Variants in ICMT observed in about 807,000 individuals in gnomAD.
The protein encoded by ICMT is isoprenylcysteine carboxyl methyltransferase.
ICMT carries 10 observed loss-of-function variants against 32.2 expected under a neutral mutation model. The ratio of observed to expected loss-of-function variants is 0.31; its 90% CI spans 0.19 to 0.53. The LOEUF (loss-of-function observed/expected upper bound fraction) is 0.53. Ranked by LOEUF, ICMT falls within the 20% of genes least tolerant of loss-of-function variation. The pLI is 0.96. For synonymous variants in ICMT, 183 were observed against 158.2 expected (o/e 1.16, Z -1.18); for missense variants, 265 against 356.9 (o/e 0.74, Z 2.07).
chr1:6,233,736 A>G, intron 2 of ICMT, 93 bp from the exon 3 acceptor site: 13 of 1,010,954 alleles, frequency 1.3e-5, no homozygotes, highest in Non-Finnish European at 1.9e-5. Flanking sequence ...CCCTAAGTCT[A>G]TGAGGCCCTG....
chr1:6,234,417 G>A lies in ICMT; in HGVS notation c.284+469C>T, dbSNP rs780241850. On this transcript the variant is annotated intron_variant, in intron 2 of 4. Coordinates refer to ENST00000343813, the MANE Select transcript of ICMT (RefSeq NM_012405.4). The stretch of plus-strand genomic sequence containing the variant: ...TAAAACTTTTTACCTTGAAGCCACT[G>A]GTTCATATCCAGGTCAGACTAGAAG... The A allele has an allele frequency of 1.1e-5, 5 of 468,782 alleles. No homozygotes were observed. In the East Asian group the frequency reaches 1.8e-4, roughly 17 times the overall value. 29.0% of individuals were successfully genotyped at this position (468,782 alleles called of 1,614,324 possible).
chr1:6,235,598 GGAT>G, intron 1 of ICMT, 116 bp downstream of exon 1: 6 of 636,100 alleles, frequency 9.4e-6, no homozygotes, highest in East Asian at 6.7e-5. Flanking sequence ...CTGAACTCGC[GGAT>G]GAAGAGCGCG....
Position 6,235,951 on chromosome 1 carries a change from T to TTGCCCGGAGAAACGCGCCGGCTGC in ICMT, c.-41_-40insGCAGCCGGCGCGTTTCTCCGGGCA. ...GACTAGCGGGCGGCGGCGCCGGCTG[T>TTGCCCGGAGAAACGCGCCGGCTGC]AGCCCGGAGAAACGCGCCGGCTGCG... On this transcript the variant is annotated 5_prime_UTR_variant, in exon 1 of 5. Coordinates refer to ENST00000343813, the MANE Select transcript of ICMT (RefSeq NM_012405.4). 9.7e-7 allele frequency: 1 copy of TTGCCCGGAGAAACGCGCCGGCTGC among 1,026,546 alleles called. No homozygotes were observed. The highest frequency in any genetic ancestry group is 1.2e-6 in the Non-Finnish European group (1 of 842,388). 63.6% of individuals were successfully genotyped at this position (1,026,546 alleles called of 1,614,324 possible). A position where few individuals can be genotyped will look rare whatever the true frequency, so the allele number is the denominator to read the frequency against.
At chr1:6,235,110 C>A (rs1299192149) in intron 1 of ICMT, 136 bp from the exon 2 acceptor site, 2 of 658,574 alleles carry the variant, frequency 3.0e-6, no homozygotes, top group Admixed American at 5.0e-5. Context: ...GAGAAGTGGG[C>A]GACCTGGGTT....
At chr1:6,232,171 G>T in intron 3 of ICMT, 52 bp from the exon 4 acceptor site, 1 of 1,353,842 alleles carries the variant, frequency 7.4e-7, no homozygotes, top group Non-Finnish European at 1.0e-6. Flanking sequence ...ACTGGCCTGA[G>T]CTCCCCTTCG....
Position 6,225,074 on chromosome 1 carries a change from TGC to T in ICMT, c.*4_*5del. The T allele has an allele frequency of 2.5e-6, 4 of 1,610,606 alleles. No individual in the cohort carries two copies. The highest frequency in any genetic ancestry group is 3.4e-6 in the Non-Finnish European group (4 of 1,178,004). On this transcript the variant is annotated 3_prime_UTR_variant, in exon 5 of 5. Coordinates refer to ENST00000343813, the MANE Select transcript of ICMT (RefSeq NM_012405.4). ...GAGGCCCCAAGGTCACCGGGGCCAC[TGC>T]CCGTCACAGGTCCACCTTGACCCCC...
intron 2 of ICMT, chr1:6,234,495 G>A (rs1258915985): frequency 2.0e-6 from 1 of 487,854 alleles, no homozygotes; most frequent in Non-Finnish European, 4.1e-6. Context: ...TGGCTGTGGG[G>A]ATGCACTAGA....
chr1:6,225,380 C>G, intron 4 of ICMT, 118 bp from the exon 5 acceptor site: 6 of 962,848 alleles, frequency 6.2e-6, no homozygotes, highest in Non-Finnish European at 7.8e-6. Context: ...CTGAGACCGT[C>G]AGGGTCTCTG....
intron 4 of ICMT, 45 bp downstream of exon 4, chr1:6,231,856 CT>C (rs1009296229): frequency 5.3e-6 from 6 of 1,129,400 alleles, no homozygotes; most frequent in Non-Finnish European, 3.7e-6. Context: ...TAAAATGTTA[CT>C]TAAAAAAAAA....
rs375617854 is a variant in ICMT at position 6,225,065 on chromosome 1, C to T, written c.*15G>A. ...ACAGGGTCGGAGGCCCCAAGGTCACCGGGGCCACTGCCCGTCACAGGTCCA... is the reference window on the plus strand; with the variant it reads ...ACAGGGTCGGAGGCCCCAAGGTCACTGGGGCCACTGCCCGTCACAGGTCCA... On this transcript the variant is annotated 3_prime_UTR_variant, in exon 5 of 5. Transcript: ENST00000343813. 52 of 1,606,336 alleles carry T rather than the reference C, an allele frequency of 3.2e-5. No individual in the cohort carries two copies. The highest frequency in any genetic ancestry group is 6.7e-5 in the Admixed American group (4 of 59,342).
At chr1:6,229,422 G>A (rs934336130) in intron 4 of ICMT, among the ~76,000 whole-genome samples, 2 of 152,180 alleles carry the variant, frequency 1.3e-5, no homozygotes, top group African/African-American at 4.8e-5. Context: ...AGGTTGCAGT[G>A]AGCTGAGATC....
intron 4 of ICMT, among the ~76,000 whole-genome samples, chr1:6,225,714 G>C (rs756282639): frequency 6.6e-6 from 1 of 152,034 alleles, no homozygotes; most frequent in African/African-American, 2.4e-5. Flanking sequence ...CTCAGCTTCC[G>C]AAATGCCCCT....
rs1402866365 is a variant in ICMT, at chr1:6,223,673, A to C, written c.*1407T>G. ...TTTGACATTGTTCTTCTCAGTCCTC[A>C]CAACACCCCTGTGAGGTAGGTGGTA... On this transcript the variant is annotated 3_prime_UTR_variant, in exon 5 of 5. Transcript: ENST00000343813. 1 of 152,210 alleles carries C rather than the reference A, an allele frequency of 6.6e-6. No individual in the cohort carries two copies. The highest frequency in any genetic ancestry group is 2.1e-4 in the South Asian group (1 of 4,830). The allele number at this position is 152,210 out of a possible 1,614,324, so 9.4% of individuals were successfully genotyped here. A position where few individuals can be genotyped will look rare whatever the true frequency, so the allele number is the denominator to read the frequency against.
chr1:6,233,357 G>T, intron 3 of ICMT, 117 bp downstream of exon 3: 1 of 882,522 alleles, frequency 1.1e-6, no homozygotes, highest in Non-Finnish European at 1.8e-6. Context: ...GAGGATAGAG[G>T]TCTGCGGAAA....
At chr1:6,234,057 A>C (rs1250623371) in intron 2 of ICMT, among the ~76,000 whole-genome samples, 1 of 152,072 alleles carries the variant, frequency 6.6e-6, no homozygotes, top group Non-Finnish European at 1.5e-5. Context: ...CTATGTTGGC[A>C]AGGCTGGTCT....
rs1668823067 is a variant in ICMT, at chr1:6,235,951, T to TAGCCCGAAGAAACGCGCCGGCTGC, written c.-41_-40insGCAGCCGGCGCGTTTCTTCGGGCT. ...GACTAGCGGGCGGCGGCGCCGGCTG[T>TAGCCCGAAGAAACGCGCCGGCTGC]AGCCCGGAGAAACGCGCCGGCTGCG... On this transcript the variant is annotated 5_prime_UTR_variant, in exon 1 of 5. Coordinates refer to ENST00000343813, the MANE Select transcript of ICMT (RefSeq NM_012405.4). The TAGCCCGAAGAAACGCGCCGGCTGC allele has an allele frequency of 2.9e-6, 3 of 1,026,546 alleles. No homozygotes were observed. The highest frequency in any genetic ancestry group is 3.6e-6 in the Non-Finnish European group (3 of 842,388). The allele number at this position is 1,026,546 out of a possible 1,614,324, so 63.6% of individuals were successfully genotyped here. A position where few individuals can be genotyped will look rare whatever the true frequency, so the allele number is the denominator to read the frequency against.
intron 4 of ICMT, among the ~76,000 whole-genome samples, chr1:6,226,687 A>G (rs966589975): frequency 2.6e-5 from 4 of 152,160 alleles, no homozygotes; most frequent in African/African-American, 9.7e-5. Context: ...TACCCTGTTC[A>G]ACTCTCATGG....
At chr1:6,227,958 A>T (rs1668671129) in intron 4 of ICMT, among the ~76,000 whole-genome samples, 1 of 152,122 alleles carries the variant, frequency 6.6e-6, no homozygotes, top group Non-Finnish European at 1.5e-5. Flanking sequence ...GCTTGAGCCC[A>T]GGAGTTCAAA....
rs902397130 is a variant in ICMT, at chr1:6,233,568, G to A, written c.360C>T (p.Ser120=). 2 of 1,613,914 alleles carry A rather than the reference G, an allele frequency of 1.2e-6. No homozygotes were observed. Among genetic ancestry groups the A allele is most frequent in the African/African-American group, 1.3e-5 (1 of 74,924 alleles). ...VTAVNNPKSL[S]LDSFLLNHSL... ...TGTGATTCAGGAGAAAGGAATCCAA[G>A]GACAGACTTTTGGGATTATTGACTG... The change falls in exon 3 of 5, where the codon TCC becomes TCT. Residue 120 remains serine, a synonymous_variant. Coordinates refer to ENST00000343813, the MANE Select transcript of ICMT (RefSeq NM_012405.4).
Sources: gnomAD v4.1 joint callset for allele counts (sites outside exome capture counted in the v4.1 genomes callset) on GRCh38, gnomAD v4.1.1 for gene constraint, MANE v1.5 for transcripts, NCBI Gene and HGNC (gene_info 2026-07-23, HGNC 2026-07-21) for gene names.